Variants in GABRB2 observed in about 807,000 individuals in gnomAD.
GABRB2 encodes gamma-aminobutyric acid receptor subunit beta-2.
GABRB2 carries 16 observed loss-of-function variants against 54.7 expected under a neutral mutation model. That is an observed-to-expected ratio of 0.29 (90% confidence interval 0.20 to 0.44). GABRB2 has a LOEUF of 0.44. Among genes scored for constraint, GABRB2 ranks in the 20% least tolerant of loss-of-function variants. The pLI is 1.00. For missense variants in GABRB2, 355 were observed against 644.0 expected, an observed-to-expected ratio of 0.55 and a Z score of 4.86; for synonymous variants, 244 against 233.8, an observed-to-expected ratio of 1.04 and a Z score of -0.40.
At chr5:161,430,315 T>C (rs149079012) in intron 4 of GABRB2, among the ~76,000 whole-genome samples, 1 of 152,218 alleles carries the variant, frequency 6.6e-6, no homozygotes, top group Non-Finnish European at 1.5e-5. Flanking sequence ...ACTAATACAG[T>C]ACATTTCTTT....
chr5:161,361,899 A>T (rs1754820845), intron 5 of GABRB2, among the ~76,000 whole-genome samples: 1 of 152,116 alleles, frequency 6.6e-6, no homozygotes, highest in Admixed American at 6.6e-5. Context: ...TAGGGTTTTT[A>T]TGGTTTTAGG....
chr5:161,477,601 A>G (rs959623103), intron 3 of GABRB2, among the ~76,000 whole-genome samples: 4 of 151,944 alleles, frequency 2.6e-5, no homozygotes, highest in African/African-American at 9.7e-5. Context: ...ATGAGGTCAA[A>G]ACATACAACG....
At chr5:161,342,614 A>G (rs1700914967) in intron 5 of GABRB2, among the ~76,000 whole-genome samples, 1 of 152,084 alleles carries the variant, frequency 6.6e-6, no homozygotes, top group Non-Finnish European at 1.5e-5. Context: ...TTTAGCATAT[A>G]AAAATACCCT....
At chr5:161,318,820 G>C (rs147282956) in intron 9 of GABRB2, among the ~76,000 whole-genome samples, 1 of 151,578 alleles carries the variant, frequency 6.6e-6, no homozygotes, top group African/African-American at 2.4e-5. Context: ...AAAACTGATC[G>C]CTTATAAATT....
At chr5:161,490,131 T>C (rs1759056321) in intron 3 of GABRB2, among the ~76,000 whole-genome samples, 1 of 151,796 alleles carries the variant, frequency 6.6e-6, no homozygotes, top group African/African-American at 2.4e-5. Flanking sequence ...AAACCATTTA[T>C]GCCACTTACC....
intron 9 of GABRB2, among the ~76,000 whole-genome samples, chr5:161,325,041 A>G (rs1018411363): frequency 6.6e-6 from 1 of 152,084 alleles, no homozygotes; most frequent in Non-Finnish European, 1.5e-5. Context: ...GGTTTTACCC[A>G]GTCTTTACAA....
intron 5 of GABRB2, among the ~76,000 whole-genome samples, chr5:161,400,397 C>A (rs116634668): frequency 6.6e-6 from 1 of 152,180 alleles, no homozygotes; most frequent in African/African-American, 2.4e-5. Flanking sequence ...CTTTCCTGAG[C>A]CTAAAAGTAA....
At chr5:161,364,132 A>G (rs946510484) in intron 5 of GABRB2, among the ~76,000 whole-genome samples, 2 of 152,094 alleles carry the variant, frequency 1.3e-5, no homozygotes, top group South Asian at 2.1e-4. Flanking sequence ...ATTCCACACT[A>G]TGTCATTTTT....
At chr5:161,388,190 C>T (rs1561632710) in intron 5 of GABRB2, among the ~76,000 whole-genome samples, 1 of 151,988 alleles carries the variant, frequency 6.6e-6, no homozygotes, top group East Asian at 1.9e-4. Flanking sequence ...TTATGGGGTG[C>T]AAAAAGTATC....
intron 4 of GABRB2, among the ~76,000 whole-genome samples, chr5:161,426,938 TGGAAGATG>T (rs1394822581): frequency 6.6e-6 from 1 of 152,120 alleles, no homozygotes; most frequent in East Asian, 1.9e-4. Context: ...TCATACAAGC[TGGAAGATG>T]GGAATAGGGT....
At chr5:161,341,966 TATAC>T (rs200288126) in intron 5 of GABRB2, among the ~76,000 whole-genome samples, 2,335 of 33,506 alleles carry the variant, frequency 0.07, 57 homozygotes, top group East Asian at 0.2. Context: ...TATATATATA[TATAC>T]ATACTTTATT....
chr5:161,387,032 CG>C (rs989584358), intron 5 of GABRB2, among the ~76,000 whole-genome samples: 6 of 150,998 alleles, frequency 4.0e-5, no homozygotes, highest in Non-Finnish European at 8.9e-5. Flanking sequence ...CTCTGGGGAA[CG>C]GGGGGGAGGA....
At chr5:161,534,854 C>A (rs1234081411) in intron 3 of GABRB2, among the ~76,000 whole-genome samples, 1 of 151,838 alleles carries the variant, frequency 6.6e-6, no homozygotes, top group East Asian at 1.9e-4. Context: ...TATGCAGGAG[C>A]AATTTCTCAG....
rs1760986941 is a variant in GABRB2, at chr5:161,546,394, T to C, written c.97A>G (p.Met33Val). ...TCCACCGTCTCTTTAACCAGCGACA[T>C]ATTACTAGGGTCATTGACACTAAAG... is the stretch of plus-strand genomic sequence containing the variant. ...CAQSVNDPSN[M>V]SLVKETVDRL... The change falls in exon 2 of 10, where the codon ATG becomes GTG. Residue 33 changes from methionine to valine, a missense_variant. Physicochemically the swap from Met to Val is conservative, Grantham distance 21. Around this residue, in one of 6 missense-constraint regions of GABRB2, gnomAD observed 42 missense variants for 43.0 expected, o/e 0.98. Transcript: ENST00000393959. The C allele has an allele frequency of 6.2e-7, 1 of 1,614,010 alleles. No individual in the cohort carries two copies.
intron 5 of GABRB2, among the ~76,000 whole-genome samples, chr5:161,408,446 G>A (rs376669225): frequency 3.9e-5 from 6 of 151,910 alleles, no homozygotes; most frequent in East Asian, 1.9e-4. Flanking sequence ...AGCTTATTAC[G>A]ATACCTGGTA....
At chr5:161,522,867 G>C (rs990557074) in intron 3 of GABRB2, among the ~76,000 whole-genome samples, 2 of 151,262 alleles carry the variant, frequency 1.3e-5, no homozygotes, top group African/African-American at 4.8e-5. Context: ...TATTGACTTG[G>C]TGTTAATTAT....
At chr5:161,429,210 G>C (rs1328417345) in intron 4 of GABRB2, among the ~76,000 whole-genome samples, 1 of 151,164 alleles carries the variant, frequency 6.6e-6, no homozygotes, top group Non-Finnish European at 1.5e-5. Context: ...AGCTGGGCAT[G>C]GTGATGCACA....
intron 9 of GABRB2, among the ~76,000 whole-genome samples, chr5:161,317,068 T>A (rs1370671364): frequency 6.6e-6 from 1 of 152,010 alleles, no homozygotes; most frequent in Admixed American, 6.6e-5. Context: ...CAGGTGTGTG[T>A]GTGTGCGTGA....
chr5:161,401,340 A>G (rs1756183329), intron 5 of GABRB2, among the ~76,000 whole-genome samples: 1 of 152,226 alleles, frequency 6.6e-6, no homozygotes, highest in Non-Finnish European at 1.5e-5. Context: ...CTATATTTCA[A>G]TTCTAAATGT....
Sources: allele counts gnomAD v4.1 joint callset (sites outside exome capture counted in the v4.1 genomes callset), GRCh38; gene constraint gnomAD v4.1.1; regional missense constraint gnomAD v4.1.1; transcripts MANE v1.5; gene names NCBI Gene and HGNC (gene_info 2026-07-23, HGNC 2026-07-21).